The following EPM2AIP1 variants were observed in gnomAD, a reference collection of about 807,000 sequenced individuals.
The protein encoded by EPM2AIP1 is EPM2A-interacting protein 1.
EPM2AIP1 carries 23 observed loss-of-function variants against 44.8 expected under a neutral mutation model. The observed-to-expected ratio is 0.51, with a 90% CI of 0.37 to 0.73. The LOEUF is 0.73. Among genes scored for constraint, EPM2AIP1 ranks in the 30% least tolerant of loss-of-function variants. The probability of loss-of-function intolerance (pLI) is 0.00; values close to 1 mark genes in which losing one functional copy is unlikely to be tolerated. For missense variants in EPM2AIP1, 652 were observed against 743.9 expected, an observed-to-expected ratio of 0.88 and a Z score of 1.44; for synonymous variants, 311 against 284.3, an observed-to-expected ratio of 1.09 and a Z score of -0.94.
Position 36,992,211 on chromosome 3 carries a change from G to T in EPM2AIP1, c.867C>A (p.Ser289=). Reference sequence around the variant, plus strand: ...TGATCTGATTAACATCTACATCATAGGAGCTCAACAGTTCCAAGTGAAGAA... The same window carrying T: ...TGATCTGATTAACATCTACATCATATGAGCTCAACAGTTCCAAGTGAAGAA... ...SGFLHLELLS[S]YDVDVNQIIN... Residue 289 remains serine (S), a synonymous_variant, in exon 1 of 1, where the codon TCC becomes TCA. Coordinates refer to ENST00000322716, the MANE Select transcript of EPM2AIP1 (RefSeq NM_014805.4). This position sits in a 1 kb window ranked among gnomAD's most constrained non-coding sequence, Gnocchi z 5.3. The T allele has an allele frequency of 6.2e-7, 1 of 1,613,938 alleles. No individual in the cohort carries two copies. The highest frequency in any genetic ancestry group is 8.5e-7 in the Non-Finnish European group (1 of 1,179,872).
In EPM2AIP1 at chr3:36,991,871, CT is replaced by C. The variant is rs765638882; in HGVS notation, c.1206del (p.Val403SerfsTer17). On this transcript the variant is annotated frameshift_variant, in exon 1 of 1. Transcript: ENST00000322716. LOFTEE classifies it high-confidence loss of function. Reference sequence around the variant, plus strand: ...TGGTCAAAGGCAGCAGCAGCAAAGACTTTACTAACTCGTAATTCTTCACTGA... The same window carrying C: ...TGGTCAAAGGCAGCAGCAGCAAAGACTTACTAACTCGTAATTCTTCACTGA... ...RELSEELRVSKVFAAAAFDHI... is the reference protein window; with the variant it reads ...RELSEELRVSXVFAAAAFDHI... 1 of 1,613,944 alleles carries C rather than the reference CT, an allele frequency of 6.2e-7. No homozygotes were observed. Among genetic ancestry groups the C allele is most frequent in the South Asian group, 1.1e-5 (1 of 91,082 alleles).
Position 36,992,016 on chromosome 3 carries a change from TAGAG to T in EPM2AIP1, c.1058_1061del (p.Ser353Ter), listed in dbSNP as rs2080818289. 1.2e-6 allele frequency: 2 copies of T among 1,613,942 alleles called. No individual in the cohort carries two copies. Among genetic ancestry groups the T allele is most frequent in the Non-Finnish European group, 1.7e-6 (2 of 1,179,854 alleles). On this transcript the variant is annotated frameshift_variant, in exon 1 of 1. Coordinates refer to ENST00000322716, the MANE Select transcript of EPM2AIP1 (RefSeq NM_014805.4). LOFTEE classifies it high-confidence loss of function. The surrounding 1 kb of genome is among the most constrained non-coding windows in gnomAD (Gnocchi z 5.3). The stretch of plus-strand genomic sequence containing the variant: ...CCAAGAACGCTTCCATTTCTTTTCT[TAGAG>T]AGAATATTAGTTTTAAAGTTTTCCC...
chr3:36,987,615 TCTC>T lies in EPM2AIP1; in HGVS notation c.*3636_*3638del, dbSNP rs1031362286. On this transcript the variant is annotated 3_prime_UTR_variant, in exon 1 of 1. Transcript: ENST00000322716. ...GGAAAACCGCAATTTGTTATCCTTC[TCTC>T]CTTTCATACAACAGAGAAAACCACA... The T allele has an allele frequency of 2.8e-5, 4 of 141,094 alleles. No individual in the cohort carries two copies. The highest frequency in any genetic ancestry group is 1.0e-4 in the African/African-American group (4 of 39,646). 8.7% of individuals were successfully genotyped at this position (141,094 alleles called of 1,614,324 possible).
rs767816505 is a variant in EPM2AIP1, at chr3:36,989,569, C to A, written c.*1685G>T. 6 of 151,834 alleles carry A rather than the reference C, an allele frequency of 4.0e-5. No homozygotes were observed. Among genetic ancestry groups the A allele is most frequent in the Non-Finnish European group, 8.8e-5 (6 of 67,988 alleles). The allele number at this position is 151,834 out of a possible 1,614,324, so 9.4% of individuals were successfully genotyped here. A position where few individuals can be genotyped will look rare whatever the true frequency, so the allele number is the denominator to read the frequency against. On this transcript the variant is annotated 3_prime_UTR_variant, in exon 1 of 1. Coordinates refer to ENST00000322716, the MANE Select transcript of EPM2AIP1 (RefSeq NM_014805.4). ...GAATTAGTCTCTCCTATCTAGTATT[C>A]TGTCAGTTTGCCCAGCTTGTACTTT...
Position 36,985,896 on chromosome 3 carries a change from T to C in EPM2AIP1, c.*5358A>G, listed in dbSNP as rs1036464687. On this transcript the variant is annotated 3_prime_UTR_variant, in exon 1 of 1. Transcript: ENST00000322716. Reference sequence around the variant, plus strand: ...TCCAGTAAAACTTTATTTAGATAAATAAGGAGCTAGACAGATTTTGCCCAT... The same window carrying C: ...TCCAGTAAAACTTTATTTAGATAAACAAGGAGCTAGACAGATTTTGCCCAT... 6.6e-6 allele frequency: 1 copy of C among 152,174 alleles called. No individual in the cohort carries two copies. Among genetic ancestry groups the C allele is most frequent in the Non-Finnish European group, 1.5e-5 (1 of 68,026 alleles). The allele number at this position is 152,174 out of a possible 1,614,324, so 9.4% of individuals were successfully genotyped here.
rs910970539 is a variant in EPM2AIP1, at chr3:36,989,138, T to C, written c.*2116A>G. ...TATTAACACCTTAAGCAAAACATAC[T>C]GGAATTTCACAAAATGTACAAGATT... On this transcript the variant is annotated 3_prime_UTR_variant, in exon 1 of 1. Transcript: ENST00000322716. The C allele has an allele frequency of 1.3e-5, 2 of 152,008 alleles. No individual in the cohort carries two copies. The highest frequency in any genetic ancestry group is 4.8e-5 in the African/African-American group (2 of 41,404). The allele number at this position is 152,008 out of a possible 1,614,324, so 9.4% of individuals were successfully genotyped here.
In EPM2AIP1 at chr3:36,987,598, G is replaced by GC; in HGVS notation, c.*3655dup. On this transcript the variant is annotated 3_prime_UTR_variant, in exon 1 of 1. Transcript: ENST00000322716. Reference sequence around the variant, plus strand: ...CTTACTGTGTTTACCAGGGAAAACCGCAATTTGTTATCCTTCTCTCCTTTC... The same window carrying GC: ...CTTACTGTGTTTACCAGGGAAAACCGCCAATTTGTTATCCTTCTCTCCTTTC... 1 of 147,280 alleles carries GC rather than the reference G, an allele frequency of 6.8e-6. No homozygotes were observed. The highest frequency in any genetic ancestry group is 2.3e-4 in the South Asian group (1 of 4,338). 9.1% of individuals were successfully genotyped at this position (147,280 alleles called of 1,614,324 possible). A position where few individuals can be genotyped will look rare whatever the true frequency, so the allele number is the denominator to read the frequency against.
rs987531153 is a variant in EPM2AIP1 at position 36,990,404 on chromosome 3, C to T, written c.*850G>A. 590 of 981,028 alleles carry T rather than the reference C, an allele frequency of 6.0e-4. 2 individuals carry two copies. Among genetic ancestry groups the T allele is most frequent in the Middle Eastern group, 1.6e-3 (3 of 1,922 alleles). 60.8% of individuals were successfully genotyped at this position (981,028 alleles called of 1,614,324 possible). On this transcript the variant is annotated 3_prime_UTR_variant, in exon 1 of 1. Transcript: ENST00000322716. ...CTAATCCTGGAGTGCAATCTTTTTT[C>T]CTCATCGTTTTTGATAGGGCCAAAC...
At position 36,990,689 on chromosome 3, in the gene EPM2AIP1, G is replaced by C; in HGVS notation, c.*565C>G. ...TGAGGTGGGTGATGGGGAGGGAAGA[G>C]GGAAGAAATCTGTCAGTATTACCTT... On this transcript the variant is annotated 3_prime_UTR_variant, in exon 1 of 1. Transcript: ENST00000322716. 4 of 985,622 alleles carry C rather than the reference G, an allele frequency of 4.1e-6. No individual in the cohort carries two copies. Among genetic ancestry groups the C allele is most frequent in the Non-Finnish European group, 4.8e-6 (4 of 829,808 alleles). The allele number at this position is 985,622 out of a possible 1,614,324, so 61.1% of individuals were successfully genotyped here. A position where few individuals can be genotyped will look rare whatever the true frequency, so the allele number is the denominator to read the frequency against.
chr3:36,987,613 TCTCTC>T lies in EPM2AIP1; in HGVS notation c.*3636_*3640del. On this transcript the variant is annotated 3_prime_UTR_variant, in exon 1 of 1. Coordinates refer to ENST00000322716, the MANE Select transcript of EPM2AIP1 (RefSeq NM_014805.4). ...AGGGAAAACCGCAATTTGTTATCCT[TCTCTC>T]CTTTCATACAACAGAGAAAACCACA... 7.1e-6 allele frequency: 1 copy of T among 141,236 alleles called. No individual in the cohort carries two copies. The highest frequency in any genetic ancestry group is 4.0e-3 in the Middle Eastern group (1 of 250). The allele number at this position is 141,236 out of a possible 1,614,324, so 8.7% of individuals were successfully genotyped here.
chr3:36,991,180 C>T lies in EPM2AIP1; in HGVS notation c.*74G>A. ...CTTTCTCACAATCCAAATTAGTAAA[C>T]TTGAAAACTCAAACCAATTTTTGCT... On this transcript the variant is annotated 3_prime_UTR_variant, in exon 1 of 1. Coordinates refer to ENST00000322716, the MANE Select transcript of EPM2AIP1 (RefSeq NM_014805.4). 1 of 1,495,388 alleles carries T rather than the reference C, an allele frequency of 6.7e-7. No individual in the cohort carries two copies. The highest frequency in any genetic ancestry group is 1.5e-5 in the South Asian group (1 of 68,860). The allele number at this position is 1,495,388 out of a possible 1,614,324, so 92.6% of individuals were successfully genotyped here.
In EPM2AIP1 at chr3:36,990,794, C is replaced by T; in HGVS notation, c.*460G>A. 3 of 986,002 alleles carry T rather than the reference C, an allele frequency of 3.0e-6. No individual in the cohort carries two copies. Among genetic ancestry groups the T allele is most frequent in the Non-Finnish European group, 3.6e-6 (3 of 830,384 alleles). 61.1% of individuals were successfully genotyped at this position (986,002 alleles called of 1,614,324 possible). The stretch of plus-strand genomic sequence containing the variant: ...CACCTCCACTGTTATGTATGGGCTT[C>T]CTTTTTGGAAACTTATGAACTTGCT... On this transcript the variant is annotated 3_prime_UTR_variant, in exon 1 of 1. Coordinates refer to ENST00000322716, the MANE Select transcript of EPM2AIP1 (RefSeq NM_014805.4).
chr3:36,987,573 C>G lies in EPM2AIP1; in HGVS notation c.*3681G>C, dbSNP rs1044178051. 1.3e-5 allele frequency: 2 copies of G among 151,860 alleles called. No individual in the cohort carries two copies. The highest frequency in any genetic ancestry group is 4.8e-5 in the African/African-American group (2 of 41,366). 9.4% of individuals were successfully genotyped at this position (151,860 alleles called of 1,614,324 possible). On this transcript the variant is annotated 3_prime_UTR_variant, in exon 1 of 1. Transcript: ENST00000322716. Reference sequence around the variant, plus strand: ...TTGGTTTTGAATCCTGAGTTTACTACTTACTGTGTTTACCAGGGAAAACCG... The same window carrying G: ...TTGGTTTTGAATCCTGAGTTTACTAGTTACTGTGTTTACCAGGGAAAACCG...
At position 36,990,052 on chromosome 3, in the gene EPM2AIP1, T is replaced by C. The variant is rs2080793496; in HGVS notation, c.*1202A>G. The C allele has an allele frequency of 6.6e-6, 1 of 152,230 alleles. No homozygotes were observed. The highest frequency in any genetic ancestry group is 6.5e-5 in the Admixed American group (1 of 15,272). 9.4% of individuals were successfully genotyped at this position (152,230 alleles called of 1,614,324 possible). A position where few individuals can be genotyped will look rare whatever the true frequency, so the allele number is the denominator to read the frequency against. On this transcript the variant is annotated 3_prime_UTR_variant, in exon 1 of 1. Transcript: ENST00000322716. ...ATTGGGTCCTGTTTATAATTAGTTTTACATAATGAACTTTAAGATTGCCTT... is the reference window on the plus strand; with the variant it reads ...ATTGGGTCCTGTTTATAATTAGTTTCACATAATGAACTTTAAGATTGCCTT...
chr3:36,990,571 T>A lies in EPM2AIP1; in HGVS notation c.*683A>T. 1 of 985,196 alleles carries A rather than the reference T, an allele frequency of 1.0e-6. No individual in the cohort carries two copies. The allele number at this position is 985,196 out of a possible 1,614,324, so 61.0% of individuals were successfully genotyped here. A position where few individuals can be genotyped will look rare whatever the true frequency, so the allele number is the denominator to read the frequency against. On this transcript the variant is annotated 3_prime_UTR_variant, in exon 1 of 1. Coordinates refer to ENST00000322716, the MANE Select transcript of EPM2AIP1 (RefSeq NM_014805.4). ...AAAAAAATCCAAGGAAAACCCCCAA[T>A]AATTAGTCTTATCTCCAAATTGCAT...
chr3:36,992,107 T>C lies in EPM2AIP1; in HGVS notation c.971A>G (p.Glu324Gly). ...CCTTTCACCATGCTCTGATTCAGAT[T>C]CCGTTAGTAAAGTCTGAAATTCAGG... ...RRPEFQTLLT[E>G]SESEHGERVN... The change falls in exon 1 of 1, where the codon GAA becomes GGA. Residue 324 changes from glutamate (E) to glycine (G), a missense_variant. Physicochemically the swap from Glu to Gly is moderately conservative, Grantham distance 98. Transcript: ENST00000322716. This position sits in a 1 kb window ranked among gnomAD's most constrained non-coding sequence, Gnocchi z 5.3. 1 of 1,614,074 alleles carries C rather than the reference T, an allele frequency of 6.2e-7. No homozygotes were observed.
In EPM2AIP1 at chr3:36,988,489, T is replaced by C. The variant is rs1311318458; in HGVS notation, c.*2765A>G. 1 of 152,128 alleles carries C rather than the reference T, an allele frequency of 6.6e-6. No individual in the cohort carries two copies. Among genetic ancestry groups the C allele is most frequent in the Admixed American group, 6.5e-5 (1 of 15,274 alleles). 9.4% of individuals were successfully genotyped at this position (152,128 alleles called of 1,614,324 possible). On this transcript the variant is annotated 3_prime_UTR_variant, in exon 1 of 1. Coordinates refer to ENST00000322716, the MANE Select transcript of EPM2AIP1 (RefSeq NM_014805.4). ...TTAGGGAAGATCTAGAAAGGAGATA[T>C]GAATCTGACAGTCATTTGCATATAA...
chr3:36,992,303 G>A lies in EPM2AIP1; in HGVS notation c.775C>T (p.Leu259Phe). Residue 259 changes from leucine (L) to phenylalanine (F), a missense_variant, in exon 1 of 1, where the codon CTC becomes TTC. Transcript: ENST00000322716. The surrounding 1 kb of genome is among the most constrained non-coding windows in gnomAD (Gnocchi z 5.3). ...GCCTTTTCTCTCATGTATGAGACGA[G>A]TCCTGAGTTCTCACCAATCATCCTC... Reference protein sequence around the residue: ...TLRMIGENSGLVSYMREKAVS... With the variant: ...TLRMIGENSGFVSYMREKAVS... The A allele has an allele frequency of 1.2e-6, 2 of 1,613,934 alleles. No individual in the cohort carries two copies. The highest frequency in any genetic ancestry group is 1.7e-6 in the Non-Finnish European group (2 of 1,179,856).
rs777394397 is a variant in EPM2AIP1 at position 36,991,870 on chromosome 3, A to G, written c.1208T>C (p.Val403Ala). The change falls in exon 1 of 1, where the codon GTC (valine) becomes GCC (alanine). Residue 403 changes from valine (V) to alanine (A), a missense_variant. Transcript: ENST00000322716. ...ELSEELRVSK[V>A]FAAAAFDHIC... The stretch of plus-strand genomic sequence containing the variant: ...ATGGTCAAAGGCAGCAGCAGCAAAG[A>G]CTTTACTAACTCGTAATTCTTCACT... 1 of 1,613,972 alleles carries G rather than the reference A, an allele frequency of 6.2e-7. No individual in the cohort carries two copies. Among genetic ancestry groups the G allele is most frequent in the South Asian group, 1.1e-5 (1 of 91,074 alleles).
Sources: allele counts gnomAD v4.1 joint callset, GRCh38; gene constraint gnomAD v4.1.1; non-coding constraint Gnocchi (gnomAD v3.1); transcripts MANE v1.5; gene names NCBI Gene and HGNC (gene_info 2026-07-23, HGNC 2026-07-21).